Variants in KRABD4 observed in about 807,000 individuals in gnomAD.
KRABD4 encodes the protein KRAB domain-containing protein 4.
At chrX:46,471,483 T>G in the KRABD4 span, among the ~76,000 whole-genome samples, 1 of 101,549 alleles carries the variant, frequency 9.8e-6, no homozygotes, top group Non-Finnish European at 2.0e-5. Context: ...AATGAATACA[T>G]TATTATTAAC....
At chrX:46,456,285 GTAT>G in the KRABD4 span, 1 of 105,979 alleles carries the variant, frequency 9.4e-6, no homozygotes, top group Non-Finnish European at 1.9e-5. Context: ...ATTTAATAAT[GTAT>G]TATTAAATTA....
the KRABD4 span, among the ~76,000 whole-genome samples, chrX:46,447,984 A>G: frequency 8.9e-6 from 1 of 111,732 alleles, no homozygotes; most frequent in Non-Finnish European, 1.9e-5. Flanking sequence ...AAAGTGGCAC[A>G]GCAGTCAGTC....
At chrX:46,471,232 T>A in the KRABD4 span, 5 of 1,110,119 alleles carry the variant, frequency 4.5e-6, no homozygotes, top group Non-Finnish European at 6.0e-6. Context: ...GAATTGACTG[T>A]TTTATCATTT....
At chrX:46,447,318 C>T in the KRABD4 span, 1 of 110,813 alleles carries the variant, frequency 9.0e-6, no homozygotes, top group African/African-American at 3.3e-5. Flanking sequence ...TGTCAGCGGC[C>T]TCTGAGGTTT....
the KRABD4 span, among the ~76,000 whole-genome samples, chrX:46,468,543 C>CA: frequency 8.4e-3 from 851 of 101,405 alleles, 7 homozygotes; most frequent in African/African-American, 0.029. Context: ...GACTCTGTCT[C>CA]AAAAAAAAAA....
the KRABD4 span, chrX:46,474,085 A>G: frequency 8.9e-6 from 1 of 112,235 alleles, no homozygotes; most frequent in East Asian, 2.8e-4. Context: ...CTTATTGTAT[A>G]ATGACCCCAA....
chrX:46,454,754 G>A, the KRABD4 span, among the ~76,000 whole-genome samples: 6 of 111,856 alleles, frequency 5.4e-5, no homozygotes, highest in African/African-American at 9.7e-5. Flanking sequence ...AGCTGAGATC[G>A]CGCCACTGCA....
the KRABD4 span, among the ~76,000 whole-genome samples, chrX:46,451,418 A>G: frequency 1.8e-5 from 2 of 112,513 alleles, no homozygotes; most frequent in Non-Finnish European, 3.8e-5. Context: ...TTGTCGATAT[A>G]TAAAGATTGT....
chrX:46,450,380 G>A, the KRABD4 span: 1 of 789,879 alleles, frequency 1.3e-6, no homozygotes, highest in Non-Finnish European at 1.9e-6. Context: ...TGGTAATGAT[G>A]GTCTAATGGC....
At chrX:46,464,067 A>AT in the KRABD4 span, among the ~76,000 whole-genome samples, 1 of 104,642 alleles carries the variant, frequency 9.6e-6, no homozygotes, top group Admixed American at 1.0e-4. Flanking sequence ...AAAAAAAAAA[A>AT]CACACTTGAG....
the KRABD4 span, chrX:46,456,792 A>G: frequency 6.9e-5 from 24 of 349,220 alleles, no homozygotes; most frequent in East Asian, 1.4e-3. Context: ...GGAATCAAGT[A>G]GCTCAGTGAG....
At chrX:46,454,849 GT>G in the KRABD4 span, 17 of 115,192 alleles carry the variant, frequency 1.5e-4, no homozygotes, top group African/African-American at 4.3e-4. Context: ...TTTTATTGTA[GT>G]TTTTTTTTAT....
At chrX:46,454,340 A>C in the KRABD4 span, 6 of 115,453 alleles carry the variant, frequency 5.2e-5, no homozygotes, top group African/African-American at 2.0e-4. Context: ...CTTCGCCCTC[A>C]CATTGGTAAC....
chrX:46,448,471 C>G, the KRABD4 span: 7 of 113,269 alleles, frequency 6.2e-5, no homozygotes, highest in Non-Finnish European at 9.4e-5. Context: ...AGCCCAGACC[C>G]AGATCCTCAG....
chrX:46,465,785 A>G, the KRABD4 span, among the ~76,000 whole-genome samples: 2 of 110,938 alleles, frequency 1.8e-5, no homozygotes, highest in African/African-American at 3.3e-5. Flanking sequence ...ATCTTTGGTT[A>G]AGATCCACTA....
At chrX:46,460,512 G>A in the KRABD4 span, among the ~76,000 whole-genome samples, 1 of 109,241 alleles carries the variant, frequency 9.2e-6, no homozygotes, top group African/African-American at 3.4e-5. Flanking sequence ...AGGGATGTGG[G>A]AAGGTCCACG....
chrX:46,450,221 G>A, the KRABD4 span, among the ~76,000 whole-genome samples: 1 of 111,930 alleles, frequency 8.9e-6, no homozygotes, highest in Admixed American at 9.4e-5. Context: ...ATCTTTAGAC[G>A]TAAGTCATAC....
the KRABD4 span, chrX:46,455,891 AAGTAAGT>A: frequency 3.1e-6 from 1 of 325,327 alleles, no homozygotes; most frequent in Admixed American, 3.7e-5. Flanking sequence ...AAAAGTGCTG[AAGTAAGT>A]AAGGGCCCAG....
chrX:46,448,627 C>G, the KRABD4 span: 1 of 113,390 alleles, frequency 8.8e-6, no homozygotes, highest in South Asian at 3.6e-4. Flanking sequence ...AGTTTGATTC[C>G]TGCTGGAGGA....
Sources: gnomAD v4.1 joint callset for allele counts (sites outside exome capture counted in the v4.1 genomes callset) on GRCh38, gnomAD v4.1.1 for gene constraint, MANE v1.5 for transcripts, NCBI Gene and HGNC (gene_info 2026-07-23, HGNC 2026-07-21) for gene names.